NDUFV2: variants seen among roughly 807,000 people sequenced by gnomAD.
NDUFV2 encodes NADH:ubiquinone oxidoreductase core subunit V2.
NDUFV2 carries 18 observed loss-of-function variants against 31.6 expected under a neutral mutation model. The observed-to-expected ratio is 0.57, with a 90% CI of 0.39 to 0.84. The LOEUF (loss-of-function observed/expected upper bound fraction) is 0.84, where lower values mean the gene tolerates loss of function less well. Among genes scored for constraint, NDUFV2 ranks in the 40% least tolerant of loss-of-function variants. The pLI is 0.00. For synonymous variants in NDUFV2, 83 were observed against 99.8 expected, an observed-to-expected ratio of 0.83 and a Z score of 1.01; for missense variants, 314 against 303.6, an observed-to-expected ratio of 1.03 and a Z score of -0.26.
chr18:9,112,647 CA>C (rs1168429265), intron 1 of NDUFV2: 1 of 151,920 alleles, frequency 6.6e-6, no homozygotes, highest in Non-Finnish European at 1.5e-5. Context: ...CACACCCGGC[CA>C]ATTTTTGTAT....
intron 7 of NDUFV2, among the ~76,000 whole-genome samples, chr18:9,130,651 T>C (rs892363001): frequency 6.7e-6 from 1 of 149,074 alleles, no homozygotes; most frequent in African/African-American, 2.6e-5. Flanking sequence ...AACCATAATA[T>C]AGTTATAGTT....
chr18:9,122,490 T>C, intron 4 of NDUFV2, 23 bp from the exon 5 acceptor site: 5 of 1,578,420 alleles, frequency 3.2e-6, no homozygotes, highest in Non-Finnish European at 4.4e-6. Flanking sequence ...ATTATCTTAT[T>C]TTTAAATGTC....
chr18:9,117,283 C>T (rs1224118153), intron 1 of NDUFV2: 2 of 154,228 alleles, frequency 1.3e-5, no homozygotes, highest in Non-Finnish European at 2.9e-5. Context: ...GATCTCCTTG[C>T]CTTAGCCTCC....
intron 1 of NDUFV2, chr18:9,104,275 G>A: frequency 1.2e-6 from 2 of 1,612,468 alleles, no homozygotes; most frequent in Non-Finnish European, 1.7e-6. Flanking sequence ...GCCAGATATT[G>A]GAGCTCCTGG....
intron 1 of NDUFV2, among the ~76,000 whole-genome samples, chr18:9,108,889 C>T (rs2077855416): frequency 6.6e-6 from 1 of 152,098 alleles, no homozygotes; most frequent in South Asian, 2.1e-4. Flanking sequence ...TGGGGTTTCA[C>T]CATGTTGGCT....
At chr18:9,105,104 C>T in intron 1 of NDUFV2, 3 of 1,079,264 alleles carry the variant, frequency 2.8e-6, no homozygotes, top group Non-Finnish European at 3.7e-6. Flanking sequence ...TGTTCTATTA[C>T]TTATACAACC....
At chr18:9,133,186 C>G (rs2078055500) in intron 7 of NDUFV2, among the ~76,000 whole-genome samples, 1 of 152,148 alleles carries the variant, frequency 6.6e-6, no homozygotes, top group Non-Finnish European at 1.5e-5. Flanking sequence ...AAAGAACAGA[C>G]TTAAAGGATT....
intron 5 of NDUFV2, among the ~76,000 whole-genome samples, chr18:9,124,614 A>G (rs986983837): frequency 9.2e-5 from 14 of 151,550 alleles, no homozygotes; most frequent in Non-Finnish European, 1.8e-4. Context: ...ACACCTGGCT[A>G]ATTTTTTGTA....
intron 5 of NDUFV2, among the ~76,000 whole-genome samples, chr18:9,123,984 A>G (rs2077963569): frequency 6.6e-6 from 1 of 152,208 alleles, no homozygotes; most frequent in Admixed American, 6.5e-5. Context: ...CTTTGACGTT[A>G]GGAGTTTTCT....
chr18:9,121,882 A>T (rs534270894), intron 4 of NDUFV2, among the ~76,000 whole-genome samples: 28 of 152,204 alleles, frequency 1.8e-4, no homozygotes, highest in Admixed American at 3.3e-4. Flanking sequence ...CAACTTTCAA[A>T]AGAGTATTGT....
chr18:9,117,099 C>T (rs554500358), intron 1 of NDUFV2, among the ~76,000 whole-genome samples: 3 of 151,200 alleles, frequency 2.0e-5, no homozygotes, highest in Admixed American at 6.6e-5. Context: ...TGCGGTGGCG[C>T]GATCTCGGCT....
At chr18:9,128,221 C>T (rs1184133354) in intron 7 of NDUFV2, among the ~76,000 whole-genome samples, 5 of 152,146 alleles carry the variant, frequency 3.3e-5, no homozygotes, top group Non-Finnish European at 7.4e-5. Context: ...TGTGCTCTTA[C>T]TCCCGTTTTA....
In NDUFV2 at chr18:9,103,011, T is replaced by C. The variant is rs2077822565; in HGVS notation, c.54+214T>C. 3.1e-5 allele frequency: 16 copies of C among 515,328 alleles called. No homozygotes were observed. In the East Asian group the frequency reaches 4.7e-4, roughly 15 times the overall value. 31.9% of individuals were successfully genotyped at this position (515,328 alleles called of 1,614,324 possible). ...GCCATACTGGGAAGTGTACTCCTAG[T>C]TTGGTCGAGGAGGACAGAAAAGAGG... On this transcript the variant is annotated intron_variant, in intron 1 of 7. Transcript: ENST00000318388.
chr18:9,132,187 T>C (rs891325707), intron 7 of NDUFV2: 1 of 152,210 alleles, frequency 6.6e-6, no homozygotes, highest in Non-Finnish European at 1.5e-5. Context: ...ATATATAAAA[T>C]TCTATAATCC....
chr18:9,133,988 G>A (rs1217167376), intron 7 of NDUFV2, among the ~76,000 whole-genome samples, 198 bp from the exon 8 acceptor site: 1 of 152,170 alleles, frequency 6.6e-6, no homozygotes, highest in Non-Finnish European at 1.5e-5. Flanking sequence ...TGTTTATGGT[G>A]AAGTCTGATG....
In NDUFV2 at chr18:9,102,700, T is replaced by G. The variant is rs2077819561; in HGVS notation, c.-44T>G. The G allele has an allele frequency of 1.3e-6, 2 of 1,561,960 alleles. No homozygotes were observed. Among genetic ancestry groups the G allele is most frequent in the Non-Finnish European group, 1.7e-6 (2 of 1,156,048 alleles). On this transcript the variant is annotated 5_prime_UTR_variant, in exon 1 of 8. Coordinates refer to ENST00000318388, the MANE Select transcript of NDUFV2 (RefSeq NM_021074.5). ...CTGTGCGCCCTGGGCGCGCTCGGGATTCTCGCCTGGCGCGGCTGGGGAAGG... is the reference window on the plus strand; with the variant it reads ...CTGTGCGCCCTGGGCGCGCTCGGGAGTCTCGCCTGGCGCGGCTGGGGAAGG...
chr18:9,108,139 T>C (rs2077850998), intron 1 of NDUFV2, among the ~76,000 whole-genome samples: 1 of 152,232 alleles, frequency 6.6e-6, no homozygotes, highest in Non-Finnish European at 1.5e-5. Flanking sequence ...AATGCTGTTA[T>C]CTTAATCTGT....
chr18:9,119,519 GCAGCTGT>G lies in NDUFV2; in HGVS notation c.230_236del (p.Ala77ValfsTer7), dbSNP rs1431507497. On this transcript the variant is annotated frameshift_variant, in exon 4 of 8. Transcript: ENST00000318388. LOFTEE classifies it high-confidence loss of function. ...AAACTATCCAGAAGGCCATAAAGCA[GCAGCTGT>G]TCTTCCAGTCCTGGATTTAGCCCAA... 4.3e-6 allele frequency: 7 copies of G among 1,613,798 alleles called. No individual in the cohort carries two copies. Among genetic ancestry groups the G allele is most frequent in the African/African-American group, 2.7e-5 (2 of 74,948 alleles).
At chr18:9,104,355 A>T (rs2077830707) in intron 1 of NDUFV2, 2 of 1,483,786 alleles carry the variant, frequency 1.3e-6, no homozygotes, top group Non-Finnish European at 1.8e-6. Context: ...GTAGAGGAAT[A>T]AGATGTGGTT....
Sources: allele counts gnomAD v4.1 joint callset (sites outside exome capture counted in the v4.1 genomes callset), GRCh38; gene constraint gnomAD v4.1.1; transcripts MANE v1.5; gene names NCBI Gene and HGNC (gene_info 2026-07-23, HGNC 2026-07-21).